The following MAL2 variants were observed in gnomAD, a reference collection of about 807,000 sequenced individuals.
MAL2 encodes the protein mal, T cell differentiation protein 2.
MAL2 carries 17 observed loss-of-function variants against 18.1 expected under a neutral mutation model. The observed-to-expected ratio is 0.94, with a 90% CI of 0.64 to 1.41. MAL2 has a LOEUF of 1.41. Ranked by LOEUF, MAL2 falls within the 40% of genes most tolerant of loss-of-function variation. MAL2 has a pLI of 0.00. For synonymous variants in MAL2, 102 were observed against 102.3 expected, an observed-to-expected ratio of 1.00 and a Z score of 0.02; for missense variants, 222 against 231.9, an observed-to-expected ratio of 0.96 and a Z score of 0.28.
At chr8:119,234,308 A>C (rs1006948738) in intron 2 of MAL2, among the ~76,000 whole-genome samples, 4 of 152,156 alleles carry the variant, frequency 2.6e-5, no homozygotes, top group Non-Finnish European at 5.9e-5. Context: ...GGAGGGTCCT[A>C]TGCCCACGGA....
chr8:119,218,712 G>C (rs1426202254), intron 1 of MAL2, among the ~76,000 whole-genome samples: 1 of 152,160 alleles, frequency 6.6e-6, no homozygotes, highest in South Asian at 2.1e-4. Flanking sequence ...TCTGGGTTTA[G>C]TAAATGCTGT....
intron 2 of MAL2, among the ~76,000 whole-genome samples, chr8:119,234,815 C>T: frequency 6.6e-6 from 1 of 151,658 alleles, no homozygotes; most frequent in Non-Finnish European, 1.5e-5. Context: ...CTGTACATCA[C>T]CATCATCAAA....
At chr8:119,236,758 C>G (rs1168493800) in intron 2 of MAL2, among the ~76,000 whole-genome samples, 1 of 150,530 alleles carries the variant, frequency 6.6e-6, no homozygotes, top group African/African-American at 2.5e-5. Flanking sequence ...AACAAAGACA[C>G]AACATAGCAG....
At position 119,208,385 on chromosome 8, in the gene MAL2, A is replaced by AGCGGCG. The variant is rs560187611; in HGVS notation, c.-73_-68dup. The AGCGGCG allele has an allele frequency of 7.0e-4, 499 of 708,072 alleles. 3 individuals are homozygous for AGCGGCG. The African/African-American group carries it at 7.8e-3, about 11-fold the overall frequency. The allele number at this position is 708,072 out of a possible 1,614,324, so 43.9% of individuals were successfully genotyped here. ...GGCGCGCCCGGAGCCCGCGGAGCTG[A>AGCGGCG]GCGGCGGCGGCGGCGGCGGCAGGAG... On this transcript the variant is annotated 5_prime_UTR_variant, in exon 1 of 4. Transcript: ENST00000614891. This position sits in a 1 kb window ranked among gnomAD's most constrained non-coding sequence, Gnocchi z 4.3.
chr8:119,231,921 G>T (rs1240466146), intron 2 of MAL2, among the ~76,000 whole-genome samples: 1 of 152,108 alleles, frequency 6.6e-6, no homozygotes, highest in Non-Finnish European at 1.5e-5. Flanking sequence ...GGGGTGATGG[G>T]GGACTGGGGA....
intron 2 of MAL2, among the ~76,000 whole-genome samples, chr8:119,227,473 T>C (rs1817619826): frequency 6.6e-6 from 1 of 152,196 alleles, no homozygotes; most frequent in South Asian, 2.1e-4. Context: ...GAGAGTTTTG[T>C]GTTGGGCACA....
At chr8:119,218,104 A>C (rs538368154) in intron 1 of MAL2, among the ~76,000 whole-genome samples, 1 of 152,074 alleles carries the variant, frequency 6.6e-6, no homozygotes, top group Non-Finnish European at 1.5e-5. Context: ...TGGCCCTCCA[A>C]AGTGGGCTCA....
Position 119,222,829 on chromosome 8 carries a change from CAA to C in MAL2, c.303+1090_303+1091del, listed in dbSNP as rs11309798. On this transcript the variant is annotated intron_variant, in intron 2 of 3. Transcript: ENST00000614891. ...GGAGACAGAGCAAGACCTTGTCTCT[CAA>C]AAAAAAAAAAAAAAAAATTTGCAAT... 5.0e-3 allele frequency among the ~76,000 whole-genome samples: 540 copies of C among 107,324 alleles called. 1 individual carries two copies. The highest frequency in any genetic ancestry group is 0.016 in the African/African-American group (421 of 26,898). 70.4% of individuals were successfully genotyped at this position (107,324 alleles called of 152,430 possible).
intron 1 of MAL2, among the ~76,000 whole-genome samples, chr8:119,218,242 C>T (rs976625217): frequency 1.3e-5 from 2 of 152,138 alleles, no homozygotes; most frequent in African/African-American, 4.8e-5. Flanking sequence ...CTCCTTCCCT[C>T]TCCCCTTTCC....
intron 1 of MAL2, among the ~76,000 whole-genome samples, chr8:119,217,353 T>C (rs1444919971): frequency 5.9e-5 from 9 of 152,218 alleles, no homozygotes; most frequent in Non-Finnish European, 1.5e-5. Flanking sequence ...ACTTCTGGTA[T>C]GTACCCAGTA....
intron 2 of MAL2, among the ~76,000 whole-genome samples, chr8:119,237,396 C>G (rs1356049189): frequency 1.3e-5 from 2 of 151,608 alleles, no homozygotes; most frequent in African/African-American, 2.4e-5. Context: ...TGCAACTATT[C>G]CAATCAATAG....
rs1415041603 is a variant in MAL2 at position 119,244,668 on chromosome 8, G to T, written c.*1180G>T. ...ATTTGAATAGAGTATTAAATATAAA[G>T]TTGTAGATTCTTATGTGTTTTTGTA... On this transcript the variant is annotated 3_prime_UTR_variant, in exon 4 of 4. Coordinates refer to ENST00000614891, the MANE Select transcript of MAL2 (RefSeq NM_052886.3). The T allele has an allele frequency of 6.6e-6, 1 of 152,114 alleles. No homozygotes were observed. Among genetic ancestry groups the T allele is most frequent in the Non-Finnish European group, 1.5e-5 (1 of 68,012 alleles). The allele number at this position is 152,114 out of a possible 1,614,324, so 9.4% of individuals were successfully genotyped here.
At chr8:119,222,793 A>G (rs905764012) in intron 2 of MAL2, among the ~76,000 whole-genome samples, 2 of 150,172 alleles carry the variant, frequency 1.3e-5, no homozygotes, top group Non-Finnish European at 3.0e-5. Flanking sequence ...ACACCAGTGC[A>G]CTCCAGCCAA....
At chr8:119,241,811 T>G (rs1195449150) in intron 3 of MAL2, among the ~76,000 whole-genome samples, 2 of 152,218 alleles carry the variant, frequency 1.3e-5, no homozygotes, top group Non-Finnish European at 2.9e-5. Context: ...ATAAAGGTTT[T>G]ATTTAATCAA....
intron 1 of MAL2, among the ~76,000 whole-genome samples, chr8:119,210,107 G>A (rs1817247493): frequency 6.6e-6 from 1 of 152,092 alleles, no homozygotes; most frequent in Non-Finnish European, 1.5e-5. Context: ...ACAGTTCATT[G>A]AAATACTTTC....
At chr8:119,229,313 C>CTT (rs60554580) in intron 2 of MAL2, among the ~76,000 whole-genome samples, 1,721 of 137,442 alleles carry the variant, frequency 0.013, 46 homozygotes, top group East Asian at 0.061. Flanking sequence ...CTGTGGGCCT[C>CTT]TTTTTTTTTT....
In MAL2 at chr8:119,233,745, G is replaced by A. The variant is rs371671530; in HGVS notation, c.304-6420G>A. ...GATTCACAGCCGAATTCTACCAGAGGTACAAGGAGGAACTGGTACCATTCC... is the reference window on the plus strand; with the variant it reads ...GATTCACAGCCGAATTCTACCAGAGATACAAGGAGGAACTGGTACCATTCC... On this transcript the variant is annotated intron_variant, in intron 2 of 3. Coordinates refer to ENST00000614891, the MANE Select transcript of MAL2 (RefSeq NM_052886.3). 3.3e-5 allele frequency among the ~76,000 whole-genome samples: 5 copies of A among 151,962 alleles called. No homozygotes were observed. In the East Asian group the frequency reaches 7.7e-4, roughly 24 times the overall value.
chr8:119,218,477 C>T (rs577777778), intron 1 of MAL2, among the ~76,000 whole-genome samples: 18 of 152,186 alleles, frequency 1.2e-4, no homozygotes, highest in Middle Eastern at 3.4e-3. Context: ...CCAGATTCTT[C>T]CCATTATATT....
rs1467057063 is a variant in MAL2, at chr8:119,243,920, A to T, written c.*432A>T. ...ACTCTATATTTTAGTGTAAACCAGG[A>T]ATTGGCACACTTTTTTTAGAATGGG... On this transcript the variant is annotated 3_prime_UTR_variant, in exon 4 of 4. Transcript: ENST00000614891. 6.5e-6 allele frequency: 1 copy of T among 153,180 alleles called. No individual in the cohort carries two copies. 9.5% of individuals were successfully genotyped at this position (153,180 alleles called of 1,614,324 possible).
Sources: gnomAD v4.1 joint callset for allele counts (sites outside exome capture counted in the v4.1 genomes callset) on GRCh38, gnomAD v4.1.1 for gene constraint, Gnocchi (gnomAD v3.1) non-coding constraint, MANE v1.5 for transcripts, NCBI Gene and HGNC (gene_info 2026-07-23, HGNC 2026-07-21) for gene names.